The following PPP2R2B variants were observed in gnomAD, a reference collection of about 807,000 sequenced individuals.
The protein encoded by PPP2R2B is serine/threonine-protein phosphatase 2A 55 kDa regulatory subunit B beta isoform.
A neutral mutation model predicts 46.0 loss-of-function variants in PPP2R2B; 5 were observed. The observed-to-expected ratio is 0.11, with a 90% CI of 0.06 to 0.23. The LOEUF is 0.23. PPP2R2B is among the 10% of genes least tolerant of loss of function. PPP2R2B has a pLI of 1.00. For missense variants in PPP2R2B, 367 were observed against 575.0 expected (o/e 0.64, Z 3.70); for synonymous variants, 215 against 206.7 (o/e 1.04, Z -0.34).
At chr5:146,712,886 T>G (rs896189630) in intron 2 of PPP2R2B, among the ~76,000 whole-genome samples, 1 of 152,202 alleles carries the variant, frequency 6.6e-6, no homozygotes, top group African/African-American at 2.4e-5. Context: ...GACCCATTTA[T>G]TCACTCAACA....
chr5:146,594,538 C>T (rs1770982246), intron 8 of PPP2R2B, among the ~76,000 whole-genome samples: 2 of 152,204 alleles, frequency 1.3e-5, no homozygotes, highest in South Asian at 4.1e-4. Context: ...CATTATTAGC[C>T]AGGTGCTTTA....
At chr5:146,756,285 G>C (rs976800717) in intron 2 of PPP2R2B, among the ~76,000 whole-genome samples, 2 of 152,138 alleles carry the variant, frequency 1.3e-5, no homozygotes, top group African/African-American at 4.8e-5. Context: ...GGGCAGAGGG[G>C]CTCTTAATTA....
At chr5:146,750,491 C>T (rs2151235831) in intron 2 of PPP2R2B, among the ~76,000 whole-genome samples, 1 of 152,250 alleles carries the variant, frequency 6.6e-6, no homozygotes, top group African/African-American at 2.4e-5. Flanking sequence ...TCAAAAGAGG[C>T]CGCATGTATC....
intron 1 of PPP2R2B, among the ~76,000 whole-genome samples, chr5:147,028,296 A>G (rs1473859892): frequency 6.6e-6 from 1 of 152,134 alleles, no homozygotes; most frequent in Non-Finnish European, 1.5e-5. Context: ...GCCCCTGATT[A>G]CTGCACTATG....
At chr5:146,590,575 T>A (rs1285025856) in intron 9 of PPP2R2B, among the ~76,000 whole-genome samples, 1 of 152,054 alleles carries the variant, frequency 6.6e-6, no homozygotes, top group Non-Finnish European at 1.5e-5. Context: ...CTACCTCCCA[T>A]CAGGAATGTG....
At chr5:146,922,683 G>A (rs191721833) in intron 1 of PPP2R2B, 3 of 152,258 alleles carry the variant, frequency 2.0e-5, no homozygotes, top group Admixed American at 2.0e-4. Context: ...TACCCATATA[G>A]CCCATGTGCT....
intron 1 of PPP2R2B, among the ~76,000 whole-genome samples, chr5:146,907,084 T>C (rs1180624412): frequency 1.3e-5 from 2 of 152,180 alleles, no homozygotes; most frequent in Non-Finnish European, 1.5e-5. Context: ...TAGCGCAGGA[T>C]GCCATTCCGA....
chr5:146,692,830 G>T lies in PPP2R2B; in HGVS notation c.335-1590C>A, dbSNP rs139976556. 4.0e-3 allele frequency among the ~76,000 whole-genome samples: 602 copies of T among 152,168 alleles called. 4 individuals are homozygous for T. Among genetic ancestry groups the T allele is most frequent in the African/African-American group, 0.014 (568 of 41,508 alleles). Reference sequence around the variant, plus strand: ...ATTACAGGCGGGAGCCACCACACCCGGCCTAATTCAATTATTTAAGGAGAC... The same window carrying T: ...ATTACAGGCGGGAGCCACCACACCCTGCCTAATTCAATTATTTAAGGAGAC... On this transcript the variant is annotated intron_variant, in intron 4 of 9. Transcript: ENST00000394411.
At chr5:146,629,232 C>G (rs1774258904) in intron 7 of PPP2R2B, among the ~76,000 whole-genome samples, 1 of 152,184 alleles carries the variant, frequency 6.6e-6, no homozygotes, top group Non-Finnish European at 1.5e-5. Flanking sequence ...TGGACACATC[C>G]AAAAGAGAAT....
chr5:146,853,827 T>C (rs1760490653), intron 2 of PPP2R2B, among the ~76,000 whole-genome samples: 1 of 152,080 alleles, frequency 6.6e-6, no homozygotes, highest in South Asian at 2.1e-4. Context: ...CCATTCTCCC[T>C]GCTTGGAATA....
At chr5:146,608,242 G>A (rs1447368064) in intron 7 of PPP2R2B, among the ~76,000 whole-genome samples, 1 of 152,148 alleles carries the variant, frequency 6.6e-6, no homozygotes, top group East Asian at 1.9e-4. Flanking sequence ...GTAGCACCAT[G>A]AGATCATGTA....
At chr5:146,706,417 A>G (rs912477232) in intron 2 of PPP2R2B, 2 of 897,960 alleles carry the variant, frequency 2.2e-6, no homozygotes, top group African/African-American at 1.7e-5. Context: ...TGGTCTTCGT[A>G]TGGATACTCA....
intron 2 of PPP2R2B, chr5:146,706,446 A>T: frequency 9.4e-7 from 1 of 1,065,796 alleles, no homozygotes; most frequent in East Asian, 3.2e-5. Context: ...ATCTTCCAGC[A>T]GCTTCCTGTA....
intron 8 of PPP2R2B, among the ~76,000 whole-genome samples, chr5:146,599,687 T>C (rs1251258950): frequency 4.6e-5 from 7 of 152,310 alleles, no homozygotes; most frequent in South Asian, 4.1e-4. Flanking sequence ...CTGAGATACA[T>C]GTGCAGAACA....
At chr5:147,049,491 G>C (rs1412935164) in intron 1 of PPP2R2B, among the ~76,000 whole-genome samples, 5 of 152,130 alleles carry the variant, frequency 3.3e-5, no homozygotes, top group Admixed American at 6.6e-5. Flanking sequence ...TGAGAGATTG[G>C]AGTTGGATAT....
intron 1 of PPP2R2B, among the ~76,000 whole-genome samples, chr5:146,902,636 C>G (rs1173084348): frequency 1.3e-5 from 2 of 152,160 alleles, no homozygotes; most frequent in African/African-American, 4.8e-5. Flanking sequence ...CTAATCCATC[C>G]TACTCATTTT....
In PPP2R2B at chr5:146,590,058, G is replaced by A. The variant is rs1227077953; in HGVS notation, c.1221C>T (p.Asp407=). 1 of 1,614,136 alleles carries A rather than the reference G, an allele frequency of 6.2e-7. No homozygotes were observed. Among genetic ancestry groups the A allele is most frequent in the East Asian group, 2.2e-5 (1 of 44,884 alleles). Residue 407 remains aspartate (D), a synonymous_variant, in exon 10 of 10, where the codon GAC becomes GAT. Coordinates refer to ENST00000394411, the MANE Select transcript of PPP2R2B (RefSeq NM_181675.4). ...AGATCTTTTTGCTAAAGTCCAGACT[G>A]TCGACACTGATCTCGTCTTTTCTCC... ...GKRRKDEISV[D]SLDFSKKILH...
intron 1 of PPP2R2B, among the ~76,000 whole-genome samples, chr5:146,930,916 A>T (rs1763947453): frequency 6.6e-6 from 1 of 152,210 alleles, no homozygotes; most frequent in African/African-American, 2.4e-5. Flanking sequence ...AGCAAATACC[A>T]CATGGTATTA....
chr5:146,848,203 A>G (rs1760124119), intron 2 of PPP2R2B, among the ~76,000 whole-genome samples: 1 of 152,212 alleles, frequency 6.6e-6, no homozygotes, highest in Admixed American at 6.5e-5. Context: ...GAAAAATGGA[A>G]CAGATAGTAC....
Sources: allele counts gnomAD v4.1 joint callset (sites outside exome capture counted in the v4.1 genomes callset), GRCh38; gene constraint gnomAD v4.1.1; transcripts MANE v1.5; gene names NCBI Gene and HGNC (gene_info 2026-07-23, HGNC 2026-07-21).